Variants in POU2F3 observed in about 807,000 individuals in gnomAD.
The protein encoded by POU2F3 is POU class 2 homeobox 3.
In POU2F3, 23 loss-of-function variants were observed where a neutral mutation model predicts 59.2. The observed-to-expected ratio is 0.39, with a 90% confidence interval of 0.28 to 0.55. The LOEUF is 0.55. Ranked by LOEUF, POU2F3 falls within the 20% of genes least tolerant of loss-of-function variation. The pLI is 0.66. For synonymous variants in POU2F3, 190 were observed against 214.6 expected (o/e 0.89, Z 1.00); for missense variants, 473 against 544.5 (o/e 0.87, Z 1.31).
At chr11:120,287,363 C>T (rs1940820454) in intron 3 of POU2F3, among the ~76,000 whole-genome samples, 1 of 152,192 alleles carries the variant, frequency 6.6e-6, no homozygotes, top group African/African-American at 2.4e-5. Flanking sequence ...AAGTGATGGA[C>T]ATTATGCACT....
chr11:120,257,387 A>C (rs1939385271), intron 2 of POU2F3, among the ~76,000 whole-genome samples: 1 of 148,584 alleles, frequency 6.7e-6, no homozygotes. Flanking sequence ...TCCGCCTACC[A>C]CCCTTCCCTC....
In POU2F3 at chr11:120,307,577, A is replaced by C; in HGVS notation, c.868A>C (p.Thr290Pro). ...RKRKKRTSIE[T>P]NIRLTLEKRF... is the part of the protein sequence containing the mutation. ...GAGAAAGAAACGGACCAGCATCGAG[A>C]CCAACATCCGCCTGACTCTGGAGAA... The change falls in exon 9 of 13, where the codon ACC (threonine) becomes CCC (proline). Residue 290 changes from threonine (T) to proline (P), a missense_variant. Physicochemically the swap from Thr to Pro is conservative, Grantham distance 38. Coordinates refer to ENST00000543440, the MANE Select transcript of POU2F3 (RefSeq NM_014352.4). The C allele has an allele frequency of 1.2e-6, 2 of 1,614,156 alleles. No homozygotes were observed. Among genetic ancestry groups the C allele is most frequent in the Non-Finnish European group, 1.7e-6 (2 of 1,180,004 alleles).
chr11:120,288,659 C>T lies in POU2F3; in HGVS notation c.133-9606C>T, dbSNP rs115840375. Reference sequence around the variant, plus strand: ...AATGTGTTTGAAAGTGCTTTGTAAACTGCAGAACATCATGGAGATGTACAA... The same window carrying T: ...AATGTGTTTGAAAGTGCTTTGTAAATTGCAGAACATCATGGAGATGTACAA... On this transcript the variant is annotated intron_variant, in intron 3 of 12. Coordinates refer to ENST00000543440, the MANE Select transcript of POU2F3 (RefSeq NM_014352.4). Among the ~76,000 whole-genome samples, 940 of 152,302 alleles carry T rather than the reference C, an allele frequency of 6.2e-3. 12 individuals carry two copies. The highest frequency in any genetic ancestry group is 0.022 in the African/African-American group (913 of 41,562).
At chr11:120,277,053 A>T (rs1940360751) in intron 3 of POU2F3, among the ~76,000 whole-genome samples, 2 of 152,164 alleles carry the variant, frequency 1.3e-5, no homozygotes, top group African/African-American at 4.8e-5. Context: ...TACAAAATAC[A>T]AAAATAAAAA....
At chr11:120,288,092 AAAAAG>A (rs1250565726) in intron 3 of POU2F3, among the ~76,000 whole-genome samples, 3 of 150,190 alleles carry the variant, frequency 2.0e-5, no homozygotes, top group East Asian at 4.0e-4. Flanking sequence ...AGAGCTGAAA[AAAAAG>A]AAAAGAAAGA....
chr11:120,311,968 C>T (rs1941660456), intron 10 of POU2F3, among the ~76,000 whole-genome samples: 1 of 151,994 alleles, frequency 6.6e-6, no homozygotes, highest in Non-Finnish European at 1.5e-5. Flanking sequence ...CATAGGAGTG[C>T]CATGGGAACC....
Position 120,318,313 on chromosome 11 carries a change from A to G in POU2F3, c.1272-40A>G, listed in dbSNP as rs896500748. ...CTCCCCATTCCCATCTTACGCCATC[A>G]CATTATTAGCTTTAGGATTGACTTC... On this transcript the variant is annotated intron_variant, in intron 12 of 12. Coordinates refer to ENST00000543440, the MANE Select transcript of POU2F3 (RefSeq NM_014352.4). 3.9e-6 allele frequency: 6 copies of G among 1,558,298 alleles called. No individual in the cohort carries two copies. In the Admixed American group the frequency reaches 5.0e-5, roughly 13 times the overall value.
At chr11:120,269,169 C>G in intron 2 of POU2F3, 41 bp from the exon 3 acceptor site, 1 of 1,507,128 alleles carries the variant, frequency 6.6e-7, no homozygotes, top group Non-Finnish European at 9.2e-7. Flanking sequence ...CTCTTCCAAA[C>G]CTGCTACCAA....
At chr11:120,317,116 G>C in intron 11 of POU2F3, 113 bp from the exon 12 acceptor site, 2 of 1,296,906 alleles carry the variant, frequency 1.5e-6, no homozygotes, top group Non-Finnish European at 2.2e-6. Flanking sequence ...TAGGGAGAGG[G>C]TGAGGTCCCT....
intron 6 of POU2F3, among the ~76,000 whole-genome samples, chr11:120,304,536 T>C (rs1378184116): frequency 6.6e-6 from 1 of 152,184 alleles, no homozygotes; most frequent in African/African-American, 2.4e-5. Flanking sequence ...ATGAAGGCCA[T>C]GAGTTATTGG....
intron 2 of POU2F3, among the ~76,000 whole-genome samples, chr11:120,255,711 G>A (rs1042831611): frequency 1.2e-4 from 18 of 152,172 alleles, no homozygotes; most frequent in African/African-American, 4.1e-4. Flanking sequence ...AGGAGTCGGC[G>A]CTGGGCTGGG....
At chr11:120,249,111 C>T (rs761888987) in intron 2 of POU2F3, among the ~76,000 whole-genome samples, 1 of 152,192 alleles carries the variant, frequency 6.6e-6, no homozygotes, top group Non-Finnish European at 1.5e-5. Flanking sequence ...CAGACACAGA[C>T]CTCCTGGCTG....
At chr11:120,296,672 T>G (rs1298912613) in intron 3 of POU2F3, among the ~76,000 whole-genome samples, 4 of 152,226 alleles carry the variant, frequency 2.6e-5, no homozygotes, top group Non-Finnish European at 1.5e-5. Context: ...CCTGCATTAG[T>G]TTGCTAAGGA....
chr11:120,308,064 G>GA (rs987639352), intron 9 of POU2F3, among the ~76,000 whole-genome samples: 1 of 151,808 alleles, frequency 6.6e-6, no homozygotes, highest in Non-Finnish European at 1.5e-5. Flanking sequence ...GAAGTAGAAA[G>GA]AAAAAAAACG....
intron 1 of POU2F3, among the ~76,000 whole-genome samples, chr11:120,244,902 G>A (rs1375903990): frequency 6.6e-6 from 1 of 151,832 alleles, no homozygotes; most frequent in African/African-American, 2.4e-5. Flanking sequence ...GCAGCAGGAC[G>A]GATTGAGGTT....
chr11:120,319,444 CT>C lies in POU2F3; in HGVS notation c.*1070del, dbSNP rs1161373592. On this transcript the variant is annotated 3_prime_UTR_variant, in exon 13 of 13. Coordinates refer to ENST00000543440, the MANE Select transcript of POU2F3 (RefSeq NM_014352.4). Reference sequence around the variant, plus strand: ...TGGGCTGGGATTTTTTTTTCTTTTTCTTTTTTTTTTTTTTTTTTGAGACAGT... The same window carrying C: ...TGGGCTGGGATTTTTTTTTCTTTTTCTTTTTTTTTTTTTTTTTGAGACAGT... 1.5e-3 allele frequency: 179 copies of C among 117,838 alleles called. No individual in the cohort carries two copies. Among genetic ancestry groups the C allele is most frequent in the Middle Eastern group, 5.0e-3 (1 of 202 alleles). The allele number at this position is 117,838 out of a possible 1,614,324, so 7.3% of individuals were successfully genotyped here.
intron 1 of POU2F3, among the ~76,000 whole-genome samples, chr11:120,240,908 G>A (rs1938636974): frequency 6.6e-6 from 1 of 152,180 alleles, no homozygotes; most frequent in African/African-American, 2.4e-5. Flanking sequence ...ATGTGTTTGA[G>A]AAGGGATGGT....
intron 1 of POU2F3, among the ~76,000 whole-genome samples, chr11:120,245,241 G>A (rs1215048548): frequency 2.0e-5 from 3 of 152,060 alleles, no homozygotes; most frequent in Non-Finnish European, 4.4e-5. Flanking sequence ...AGCCACACAC[G>A]TTAGTCCTCA....
chr11:120,291,624 A>G (rs181750186), intron 3 of POU2F3, among the ~76,000 whole-genome samples: 1 of 152,366 alleles, frequency 6.6e-6, no homozygotes, highest in African/African-American at 2.4e-5. Context: ...ATATGGAGTC[A>G]GACCAACTTA....
Sources: allele counts gnomAD v4.1 joint callset (sites outside exome capture counted in the v4.1 genomes callset), GRCh38; gene constraint gnomAD v4.1.1; transcripts MANE v1.5; gene names NCBI Gene and HGNC (gene_info 2026-07-23, HGNC 2026-07-21).